POP1: variants seen among roughly 807,000 people sequenced by gnomAD.
POP1 encodes the protein POP1 ribonuclease P/MRP subunit.
Under a neutral mutation model 102.2 loss-of-function variants are expected in POP1, and 75 were observed. The observed-to-expected ratio is 0.73, with a 90% confidence interval of 0.61 to 0.89. The LOEUF (loss-of-function observed/expected upper bound fraction) is 0.89, where lower values mean the gene tolerates loss of function less well. POP1 is among the 40% of genes least tolerant of loss of function. The pLI is 0.00. For missense variants in POP1, 1,116 were observed against 1,267.4 expected, an observed-to-expected ratio of 0.88 and a Z score of 1.81; for synonymous variants, 436 against 464.1, an observed-to-expected ratio of 0.94 and a Z score of 0.78.
At chr8:98,138,516 C>T (rs887196699) in intron 9 of POP1, among the ~76,000 whole-genome samples, 1 of 152,164 alleles carries the variant, frequency 6.6e-6, no homozygotes, top group Non-Finnish European at 1.5e-5. Flanking sequence ...TTCCTGATCC[C>T]CCAAGTTAAA....
intron 14 of POP1, 65 bp downstream of exon 14, chr8:98,150,704 G>T (rs749543491): frequency 2.4e-5 from 36 of 1,496,868 alleles, no homozygotes; most frequent in Non-Finnish European, 3.3e-5. Context: ...GCTTATATTG[G>T]TATCCCAAAC....
chr8:98,136,120 G>T (rs1283701334), intron 7 of POP1, among the ~76,000 whole-genome samples: 6 of 150,008 alleles, frequency 4.0e-5, no homozygotes, highest in Admixed American at 4.0e-4. Flanking sequence ...TTGCTCTGTT[G>T]CCCGGGCTGG....
Position 98,158,419 on chromosome 8 carries a change from A to C in POP1, c.*148A>C. 1.2e-6 allele frequency: 1 copy of C among 818,394 alleles called. No individual in the cohort carries two copies. Among genetic ancestry groups the C allele is most frequent in the Non-Finnish European group, 2.0e-6 (1 of 501,518 alleles). The allele number at this position is 818,394 out of a possible 1,614,324, so 50.7% of individuals were successfully genotyped here. On this transcript the variant is annotated 3_prime_UTR_variant, in exon 16 of 16. Coordinates refer to ENST00000401707, the MANE Select transcript of POP1 (RefSeq NM_001145860.2). ...AAATTATGTATTATGCAGATGATGAAATGTTTACATCATTCCAGTAATGTC... is the reference window on the plus strand; with the variant it reads ...AAATTATGTATTATGCAGATGATGACATGTTTACATCATTCCAGTAATGTC...
In POP1 at chr8:98,127,100, A is replaced by G. The variant is rs142015866; in HGVS notation, c.143-495A>G. On this transcript the variant is annotated intron_variant, in intron 2 of 15. Transcript: ENST00000401707. Reference sequence around the variant, plus strand: ...ACAGCACCTTTTCACTGGTTCTCACATGGTGGAAGGAGCGAGGGTCTCTGT... The same window carrying G: ...ACAGCACCTTTTCACTGGTTCTCACGTGGTGGAAGGAGCGAGGGTCTCTGT... Among the ~76,000 whole-genome samples, 8 of 152,218 alleles carry G rather than the reference A, an allele frequency of 5.3e-5. No homozygotes were observed. In the East Asian group the frequency reaches 9.7e-4, roughly 18 times the overall value.
At chr8:98,138,867 G>A (rs909918592) in intron 9 of POP1, among the ~76,000 whole-genome samples, 1 of 58,656 alleles carries the variant, frequency 1.7e-5, no homozygotes, top group Admixed American at 2.0e-4. Context: ...TTTTTTTTTT[G>A]TTTGAGACAG....
intron 2 of POP1, among the ~76,000 whole-genome samples, chr8:98,125,400 G>A (rs1816169449): frequency 6.6e-6 from 1 of 151,952 alleles, no homozygotes. Context: ...TGGCCATGCT[G>A]GTGTCAAACT....
chr8:98,138,220 T>G (rs1046233100), intron 9 of POP1, among the ~76,000 whole-genome samples: 1 of 152,218 alleles, frequency 6.6e-6, no homozygotes, highest in East Asian at 1.9e-4. Flanking sequence ...ATGAAAAGTT[T>G]TTGAATAGCT....
intron 9 of POP1, among the ~76,000 whole-genome samples, chr8:98,137,661 C>T (rs1038473455): frequency 5.3e-5 from 8 of 152,194 alleles, no homozygotes; most frequent in Admixed American, 5.2e-4. Flanking sequence ...GGCAGCACTT[C>T]CAGTAGAGCT....
At chr8:98,138,862 T>G (rs1374513213) in intron 9 of POP1, among the ~76,000 whole-genome samples, 1 of 150,318 alleles carries the variant, frequency 6.7e-6, no homozygotes, top group Non-Finnish European at 1.5e-5. Flanking sequence ...TTTTTTTTTT[T>G]TTTTGTTTGA....
Position 98,117,320 on chromosome 8 carries a change from G to T in POP1, c.-73G>T, listed in dbSNP as rs561129199. On this transcript the variant is annotated 5_prime_UTR_variant, in exon 1 of 16. Coordinates refer to ENST00000401707, the MANE Select transcript of POP1 (RefSeq NM_001145860.2). ...GCGCTCTCCAGCGCGCTCTCCAGGA[G>T]CTTTGGCTCGGTGGGTACTGTCGCG... 3.5e-6 allele frequency: 2 copies of T among 578,564 alleles called. No homozygotes were observed. The highest frequency in any genetic ancestry group is 2.0e-5 in the South Asian group (1 of 50,404). The allele number at this position is 578,564 out of a possible 1,614,324, so 35.8% of individuals were successfully genotyped here. A position where few individuals can be genotyped will look rare whatever the true frequency, so the allele number is the denominator to read the frequency against.
intron 14 of POP1, among the ~76,000 whole-genome samples, chr8:98,154,626 A>C (rs946210209): frequency 4.6e-5 from 7 of 152,194 alleles, no homozygotes; most frequent in Admixed American, 1.3e-4. Flanking sequence ...AGGATGATTT[A>C]GGCAGATGCT....
chr8:98,128,032 CCT>C (rs1313896691), intron 3 of POP1, among the ~76,000 whole-genome samples: 3 of 152,104 alleles, frequency 2.0e-5, no homozygotes, highest in Admixed American at 6.5e-5. Context: ...CCCCCGTGCC[CCT>C]CTTGTTTTAA....
In POP1 at chr8:98,136,709, G is replaced by C; in HGVS notation, c.1239G>C (p.Trp413Cys). 6.2e-7 allele frequency: 1 copy of C among 1,613,912 alleles called. No individual in the cohort carries two copies. The highest frequency in any genetic ancestry group is 8.5e-7 in the Non-Finnish European group (1 of 1,179,834). ...GTRDPCLPYS[W>C]ISPTTGIIIS... ...GAGATCCATGTCTACCATACTCTTG[G>C]ATCTCTCCAACCACAGGCATTATAA... The change falls in exon 8 of 16, where the codon TGG becomes TGC. Residue 413 changes from tryptophan (W) to cysteine (C), a missense_variant. Transcript: ENST00000401707.
Position 98,158,377 on chromosome 8 carries a change from C to G in POP1, c.*106C>G. ...GCTTTAAAATATCATGTGAAACTCC[C>G]TGGAAACAAGAATAAAAAATTATGT... On this transcript the variant is annotated 3_prime_UTR_variant, in exon 16 of 16. Transcript: ENST00000401707. 1 of 1,270,680 alleles carries G rather than the reference C, an allele frequency of 7.9e-7. No homozygotes were observed. Among genetic ancestry groups the G allele is most frequent in the Non-Finnish European group, 1.1e-6 (1 of 886,356 alleles). 78.7% of individuals were successfully genotyped at this position (1,270,680 alleles called of 1,614,324 possible). A position where few individuals can be genotyped will look rare whatever the true frequency, so the allele number is the denominator to read the frequency against.
At position 98,157,695 on chromosome 8, in the gene POP1, C is replaced by T. The variant is rs111665863; in HGVS notation, c.2499C>T (p.Pro833=). The change falls in exon 16 of 16, where the codon CCC becomes CCT. Residue 833 remains proline, a synonymous_variant. Transcript: ENST00000401707. ...ATAGTCGGGGAGGCCGGCGAGCTCC[C>T]GGCAGAGGCCAGCAAGGATTGACCA... ...SEDSRGGRRA[P]GRGQQGLTRE... The T allele has an allele frequency of 8.2e-3, 13,227 of 1,614,182 alleles. 437 individuals carry two copies. The African/African-American group carries it at 0.084, about 10-fold the overall frequency.
intron 1 of POP1, among the ~76,000 whole-genome samples, chr8:98,122,212 G>A (rs890138638): frequency 3.3e-5 from 5 of 152,222 alleles, no homozygotes; most frequent in Admixed American, 1.3e-4. Context: ...GCAGGGTGGC[G>A]GGGGTGGGGG....
At position 98,136,529 on chromosome 8, in the gene POP1, C is replaced by T; in HGVS notation, c.1059C>T (p.Ile353=). Residue 353 remains isoleucine, a synonymous_variant, in exon 8 of 16, where the codon ATC becomes ATT. Coordinates refer to ENST00000401707, the MANE Select transcript of POP1 (RefSeq NM_001145860.2). ...CAGCGTGCCAGTGTGTGGAACCCAT[C>T]AAATCAGCTGTCTGCATCGCTGACC... ...IKAACQCVEP[I]KSAVCIADPL... is the part of the protein sequence containing the mutation. 1 of 1,613,942 alleles carries T rather than the reference C, an allele frequency of 6.2e-7. No individual in the cohort carries two copies. Among genetic ancestry groups the T allele is most frequent in the Non-Finnish European group, 8.5e-7 (1 of 1,179,870 alleles).
intron 11 of POP1, among the ~76,000 whole-genome samples, chr8:98,145,837 C>T (rs1563781590): frequency 1.3e-5 from 2 of 151,402 alleles, no homozygotes; most frequent in African/African-American, 2.4e-5. Context: ...ACCTGGGAGG[C>T]GAAGGTTGCA....
chr8:98,149,169 A>G (rs1392883950), intron 13 of POP1, among the ~76,000 whole-genome samples, 163 bp downstream of exon 13: 1 of 152,226 alleles, frequency 6.6e-6, no homozygotes, highest in African/African-American at 2.4e-5. Context: ...CTTCATACAT[A>G]TAGTCCCTGG....
Sources: allele counts gnomAD v4.1 joint callset (sites outside exome capture counted in the v4.1 genomes callset), GRCh38; gene constraint gnomAD v4.1.1; transcripts MANE v1.5; gene names NCBI Gene and HGNC (gene_info 2026-07-23, HGNC 2026-07-21).